The following BIN3 variants were observed in gnomAD, a reference collection of about 807,000 sequenced individuals.
BIN3 encodes the protein bridging integrator 3.
BIN3 carries 41 observed loss-of-function variants against 38.2 expected under a neutral mutation model. That is an observed-to-expected ratio of 1.07 (90% CI 0.84 to 1.39). The LOEUF is 1.39. BIN3 is among the 40% of genes most tolerant of loss of function. The pLI is 0.00. For missense variants in BIN3, 361 were observed against 324.3 expected (o/e 1.11, Z -0.87); for synonymous variants, 145 against 122.6 (o/e 1.18, Z -1.21).
chr8:22,624,169 G>C (rs1038599396), intron 7 of BIN3, 53 bp downstream of exon 7: 1 of 1,595,440 alleles, frequency 6.3e-7, no homozygotes, highest in Non-Finnish European at 8.5e-7. Flanking sequence ...CTTACCACAG[G>C]TGACCACGAT....
chr8:22,623,097 C>G (rs1392725529), intron 8 of BIN3, among the ~76,000 whole-genome samples: 1 of 152,230 alleles, frequency 6.6e-6, no homozygotes, highest in Non-Finnish European at 1.5e-5. Context: ...CCAGGAGGGG[C>G]AGAGCCACAG....
At chr8:22,631,614 T>C (rs1204132556) in intron 4 of BIN3, among the ~76,000 whole-genome samples, 1 of 152,214 alleles carries the variant, frequency 6.6e-6, no homozygotes, top group Non-Finnish European at 1.5e-5. Flanking sequence ...GGGCAGCTGC[T>C]TCCCTGTTCA....
chr8:22,662,605 T>C (rs543305513), intron 1 of BIN3, among the ~76,000 whole-genome samples: 33 of 152,224 alleles, frequency 2.2e-4, no homozygotes, highest in Admixed American at 7.8e-4. Flanking sequence ...TATCTTCAGT[T>C]GCTGGAGTCA....
chr8:22,659,574 C>T (rs1803166459), intron 1 of BIN3, among the ~76,000 whole-genome samples: 1 of 152,224 alleles, frequency 6.6e-6, no homozygotes, highest in African/African-American at 2.4e-5. Flanking sequence ...TGAGCATCTA[C>T]TATTGCCAGA....
intron 4 of BIN3, 135 bp from the exon 5 acceptor site, chr8:22,630,713 G>T: frequency 2.1e-6 from 2 of 965,138 alleles, no homozygotes; most frequent in Non-Finnish European, 3.0e-6. Flanking sequence ...GTCAAGAACG[G>T]CGAAGTACCA....
In BIN3 at chr8:22,667,826, G is replaced by A. The variant is rs886244978; in HGVS notation, c.8+1218C>T. 1.7e-4 allele frequency among the ~76,000 whole-genome samples: 26 copies of A among 152,212 alleles called. 1 individual carries two copies. Among genetic ancestry groups the A allele is most frequent in the Middle Eastern group, 6.8e-3 (2 of 294 alleles). ...TTGGTCTAAGAAACAGGTGGGGGAG[G>A]GGACAGATGGTTCGCATTTTACTTT... is the stretch of plus-strand genomic sequence containing the variant. On this transcript the variant is annotated intron_variant, in intron 1 of 8. Transcript: ENST00000276416.
In BIN3 at chr8:22,644,814, A is replaced by C; in HGVS notation, c.9-11T>G. 1 of 1,605,764 alleles carries C rather than the reference A, an allele frequency of 6.2e-7. No homozygotes were observed. Among genetic ancestry groups the C allele is most frequent in the Non-Finnish European group, 8.5e-7 (1 of 1,175,100 alleles). On this transcript the variant is annotated splice_polypyrimidine_tract_variant and intron_variant, in intron 1 of 8. Transcript: ENST00000276416. ...ATCTTAAAAGGAATCCTATAAGAGA[A>C]AGAGACAAAGAGAGATATTGTGAGA... is the stretch of plus-strand genomic sequence containing the variant.
Position 22,668,885 on chromosome 8 carries a change from G to A in BIN3, c.8+159C>T, listed in dbSNP as rs866559858. ...TGCTGAGAGACTGCGACTCCGGAAAGCACCGAGGGAACGACCCTAGGGCAG... is the reference window on the plus strand; with the variant it reads ...TGCTGAGAGACTGCGACTCCGGAAAACACCGAGGGAACGACCCTAGGGCAG... On this transcript the variant is annotated intron_variant, in intron 1 of 8. Coordinates refer to ENST00000276416, the MANE Select transcript of BIN3 (RefSeq NM_018688.6). Among the ~76,000 whole-genome samples, 94 of 152,370 alleles carry A rather than the reference G, an allele frequency of 6.2e-4. 1 individual carries two copies. Among genetic ancestry groups the A allele is most frequent in the African/African-American group, 2.2e-3 (93 of 41,596 alleles).
intron 4 of BIN3, among the ~76,000 whole-genome samples, chr8:22,632,928 C>T (rs745513541): frequency 6.6e-6 from 1 of 152,060 alleles, no homozygotes; most frequent in African/African-American, 2.4e-5. Flanking sequence ...AGGCTGGTCT[C>T]GAACTCCTGA....
chr8:22,647,275 T>C (rs1397254169), intron 1 of BIN3, among the ~76,000 whole-genome samples: 1 of 152,194 alleles, frequency 6.6e-6, no homozygotes, highest in Non-Finnish European at 1.5e-5. Context: ...GTAGATTCCA[T>C]TATTTGTGGT....
intron 1 of BIN3, among the ~76,000 whole-genome samples, chr8:22,650,598 G>C (rs1178683349): frequency 6.6e-6 from 1 of 151,982 alleles, no homozygotes; most frequent in Non-Finnish European, 1.5e-5. Flanking sequence ...GTCTAATAAG[G>C]CAACAAGATT....
At chr8:22,636,441 A>G (rs1440879347) in intron 4 of BIN3, 84 bp downstream of exon 4, 35 of 1,414,510 alleles carry the variant, frequency 2.5e-5, no homozygotes, top group Non-Finnish European at 3.3e-5. Context: ...CAGCAACTTC[A>G]GAGCCCTTGG....
Position 22,621,869 on chromosome 8 carries a change from A to T in BIN3, c.616-301T>A, listed in dbSNP as rs117325858. On this transcript the variant is annotated intron_variant, in intron 8 of 8. Coordinates refer to ENST00000276416, the MANE Select transcript of BIN3 (RefSeq NM_018688.6). ...CTAGGGCGACTGTGGAATGATGGGC[A>T]CCATGACTGGAGTTTTACTGCTTTT... 2.9e-4 allele frequency among the ~76,000 whole-genome samples: 44 copies of T among 152,336 alleles called. No individual in the cohort carries two copies. In the East Asian group the frequency reaches 8.1e-3, roughly 28 times the overall value.
At chr8:22,653,565 T>C (rs1003286605) in intron 1 of BIN3, among the ~76,000 whole-genome samples, 39 of 152,222 alleles carry the variant, frequency 2.6e-4, no homozygotes, top group African/African-American at 9.4e-4. Context: ...TTTCCAAAGA[T>C]GTCTTTACAA....
At chr8:22,650,507 C>T (rs980349506) in intron 1 of BIN3, among the ~76,000 whole-genome samples, 1 of 152,148 alleles carries the variant, frequency 6.6e-6, no homozygotes, top group Non-Finnish European at 1.5e-5. Flanking sequence ...CAACTATTTA[C>T]CTATATTTAC....
Position 22,639,654 on chromosome 8 carries a change from A to G in BIN3, c.58-2692T>C, listed in dbSNP as rs571424330. On this transcript the variant is annotated intron_variant, in intron 2 of 8. Transcript: ENST00000276416. ...GCCTGGCCCATGGCAGTCCTCACTAAATGTTAGTTTCTGTGTTTTTCTCCT... is the reference window on the plus strand; with the variant it reads ...GCCTGGCCCATGGCAGTCCTCACTAGATGTTAGTTTCTGTGTTTTTCTCCT... 3.3e-4 allele frequency among the ~76,000 whole-genome samples: 50 copies of G among 152,306 alleles called. No individual in the cohort carries two copies. The South Asian group carries it at 0.01, about 32-fold the overall frequency.
At chr8:22,667,431 A>C (rs919533609) in intron 1 of BIN3, among the ~76,000 whole-genome samples, 3 of 152,210 alleles carry the variant, frequency 2.0e-5, no homozygotes, top group Admixed American at 2.0e-4. Flanking sequence ...GGTTCAGTAA[A>C]GGCCAATCTA....
chr8:22,633,718 T>C (rs960793580), intron 4 of BIN3, among the ~76,000 whole-genome samples: 1 of 152,220 alleles, frequency 6.6e-6, no homozygotes, highest in African/African-American at 2.4e-5. Flanking sequence ...ACCTGGGAAC[T>C]CCAGGGACAC....
chr8:22,634,155 A>G (rs530486086), intron 4 of BIN3, among the ~76,000 whole-genome samples: 1 of 152,346 alleles, frequency 6.6e-6, no homozygotes, highest in African/African-American at 2.4e-5. Flanking sequence ...GCAGCTCCCG[A>G]ACTGGAAAGG....
Sources: gnomAD v4.1 joint callset for allele counts (sites outside exome capture counted in the v4.1 genomes callset) on GRCh38, gnomAD v4.1.1 for gene constraint, MANE v1.5 for transcripts, NCBI Gene and HGNC (gene_info 2026-07-23, HGNC 2026-07-21) for gene names.